Variants in SMYD3 observed in about 807,000 individuals in gnomAD.
The protein encoded by SMYD3 is SET and MYND domain containing 3, also known as histone-lysine N-methyltransferase SMYD3.
SMYD3 carries 36 observed loss-of-function variants against 57.7 expected under a neutral mutation model. The ratio of observed to expected loss-of-function variants is 0.62; its 90% CI spans 0.48 to 0.82. The LOEUF (loss-of-function observed/expected upper bound fraction) is 0.82. Among genes scored for constraint, SMYD3 ranks in the 40% least tolerant of loss-of-function variants. The pLI is 0.00. For synonymous variants in SMYD3, 211 were observed against 195.0 expected (o/e 1.08, Z -0.68); for missense variants, 515 against 538.8 (o/e 0.96, Z 0.44).
chr1:246,055,125 G>T (rs1162475811), intron 5 of SMYD3, among the ~76,000 whole-genome samples: 1 of 151,710 alleles, frequency 6.6e-6, no homozygotes, highest in Non-Finnish European at 1.5e-5. Context: ...GCAGTGAGCC[G>T]AGATGGTGCC....
At chr1:246,366,405 T>C (rs1015914434) in intron 1 of SMYD3, among the ~76,000 whole-genome samples, 1 of 152,160 alleles carries the variant, frequency 6.6e-6, no homozygotes, top group Non-Finnish European at 1.5e-5. Flanking sequence ...TTAAACCAAC[T>C]ACTGAAACTT....
intron 1 of SMYD3, among the ~76,000 whole-genome samples, chr1:246,445,042 T>C (rs1436827153): frequency 1.3e-5 from 2 of 152,160 alleles, no homozygotes; most frequent in South Asian, 2.1e-4. Context: ...GGAGCACTAT[T>C]GATGTTGATG....
chr1:246,443,939 TG>T (rs140968611), intron 1 of SMYD3, among the ~76,000 whole-genome samples: 3,729 of 152,216 alleles, frequency 0.024, 156 homozygotes, highest in African/African-American at 0.086. Flanking sequence ...AGTGCTAATC[TG>T]CCTTCCCTAT....
chr1:246,187,647 C>T (rs1010381107), intron 5 of SMYD3, among the ~76,000 whole-genome samples: 8 of 152,248 alleles, frequency 5.3e-5, no homozygotes, highest in Non-Finnish European at 7.4e-5. Flanking sequence ...TTCTAGATTC[C>T]GTTCATTTCT....
At chr1:245,852,362 C>T (rs1045269341) in intron 10 of SMYD3, among the ~76,000 whole-genome samples, 4 of 152,172 alleles carry the variant, frequency 2.6e-5, no homozygotes, top group Non-Finnish European at 4.4e-5. Context: ...CAAAGCTGGG[C>T]AATGAAGGTC....
chr1:245,924,196 G>C (rs1052846687), intron 7 of SMYD3, among the ~76,000 whole-genome samples: 5 of 152,062 alleles, frequency 3.3e-5, no homozygotes, highest in Non-Finnish European at 5.9e-5. Flanking sequence ...CAGAACAAAT[G>C]AATCTCATAT....
chr1:246,128,996 C>A lies in SMYD3; in HGVS notation c.531+198205G>T, dbSNP rs902213927. Among the ~76,000 whole-genome samples, 14 of 152,046 alleles carry A rather than the reference C, an allele frequency of 9.2e-5. 1 individual carries two copies. The highest frequency in any genetic ancestry group is 3.4e-4 in the African/African-American group (14 of 41,476). ...TTTTTTTGTATTTTTCGGGGTTTTG[C>A]CATGTTACTCAAGCTAGTCTCGAAC... On this transcript the variant is annotated intron_variant, in intron 5 of 11. Transcript: ENST00000490107.
intron 1 of SMYD3, among the ~76,000 whole-genome samples, chr1:246,357,311 TAA>T (rs1216654998): frequency 6.6e-6 from 1 of 152,076 alleles, no homozygotes; most frequent in Non-Finnish European, 1.5e-5. Flanking sequence ...AAGATAGTGA[TAA>T]GAGTGACCAG....
Position 246,308,049 on chromosome 1 carries a change from T to C in SMYD3, c.531+19152A>G, listed in dbSNP as rs150013004. 5.3e-5 allele frequency among the ~76,000 whole-genome samples: 8 copies of C among 152,242 alleles called. No individual in the cohort carries two copies. The East Asian group carries it at 1.3e-3, about 26-fold the overall frequency. On this transcript the variant is annotated intron_variant, in intron 5 of 11. Transcript: ENST00000490107. ...ATGATCTCCCCACTCCAAATCTCCA[T>C]CTTAGGTCTCCGCATCACCATTATC...
chr1:246,346,690 A>T (rs2065724466), intron 2 of SMYD3, among the ~76,000 whole-genome samples: 1 of 152,156 alleles, frequency 6.6e-6, no homozygotes, highest in Non-Finnish European at 1.5e-5. Flanking sequence ...CCCACGATTC[A>T]ATTATCTCCA....
chr1:246,168,530 T>C (rs6661444), intron 5 of SMYD3, among the ~76,000 whole-genome samples: 10,795 of 152,230 alleles, frequency 0.071, 545 homozygotes, highest in African/African-American at 0.13. Flanking sequence ...ATACAGACAC[T>C]CCACAGGGAC....
At chr1:246,073,891 C>T (rs1005990992) in intron 5 of SMYD3, among the ~76,000 whole-genome samples, 1 of 152,040 alleles carries the variant, frequency 6.6e-6, no homozygotes, top group East Asian at 1.9e-4. Flanking sequence ...TCCATTCTGG[C>T]GCAACCATAT....
chr1:246,412,214 C>A (rs938504971), intron 1 of SMYD3, among the ~76,000 whole-genome samples: 1 of 152,166 alleles, frequency 6.6e-6, no homozygotes, highest in Non-Finnish European at 1.5e-5. Context: ...GTTCCTGTAG[C>A]CCTCTCCCAG....
At chr1:245,798,405 CAT>C (rs2047664879) in intron 10 of SMYD3, among the ~76,000 whole-genome samples, 2 of 11,814 alleles carry the variant, frequency 1.7e-4, no homozygotes, top group African/African-American at 1.3e-4. Context: ...CACACACACA[CAT>C]ACACACACAT....
At chr1:245,976,327 CTAGCCCAGGGAAAGCCAT>C (rs2058423726) in intron 5 of SMYD3, among the ~76,000 whole-genome samples, 5 of 8,522 alleles carry the variant, frequency 5.9e-4, no homozygotes, top group Non-Finnish European at 7.5e-4. Flanking sequence ...GCCATCGTCT[CTAGCCCAGGGAAAGCCAT>C]CGTCTCTAGC....
At chr1:245,943,205 C>A in intron 5 of SMYD3, among the ~76,000 whole-genome samples, 1 of 115,136 alleles carries the variant, frequency 8.7e-6, no homozygotes. Flanking sequence ...AATACAGGGG[C>A]TGAGTTTTTT....
intron 5 of SMYD3, among the ~76,000 whole-genome samples, chr1:246,209,127 T>G (rs1470085879): frequency 6.6e-6 from 1 of 152,174 alleles, no homozygotes; most frequent in African/African-American, 2.4e-5. Context: ...TCCCTACTCA[T>G]ATTGGTAATG....
intron 1 of SMYD3, among the ~76,000 whole-genome samples, chr1:246,434,420 A>G (rs2067340143): frequency 6.6e-6 from 1 of 152,256 alleles, no homozygotes; most frequent in African/African-American, 2.4e-5. Flanking sequence ...AAGGTCTAAT[A>G]TCCAAAATCT....
At chr1:246,288,854 T>G (rs1052359464) in intron 5 of SMYD3, among the ~76,000 whole-genome samples, 1 of 152,204 alleles carries the variant, frequency 6.6e-6, no homozygotes, top group Non-Finnish European at 1.5e-5. Context: ...GACTCACGCC[T>G]GTAATCCCAG....
Sources: allele counts gnomAD v4.1 joint callset (sites outside exome capture counted in the v4.1 genomes callset), GRCh38; gene constraint gnomAD v4.1.1; transcripts MANE v1.5; gene names NCBI Gene and HGNC (gene_info 2026-07-23, HGNC 2026-07-21).